The following FGD4 variants were observed in gnomAD, a reference collection of about 807,000 sequenced individuals.
The protein encoded by FGD4 is FYVE, RhoGEF and PH domain containing 4.
A neutral mutation model predicts 102.0 loss-of-function variants in FGD4; 42 were observed. The observed-to-expected ratio is 0.41, with a 90% CI of 0.32 to 0.53. The LOEUF (loss-of-function observed/expected upper bound fraction) is 0.53. Among genes scored for constraint, FGD4 ranks in the 20% least tolerant of loss-of-function variants. FGD4 has a pLI of 0.21. For synonymous variants in FGD4, 380 were observed against 375.7 expected, an observed-to-expected ratio of 1.01 and a Z score of -0.13; for missense variants, 902 against 1,078.2, an observed-to-expected ratio of 0.84 and a Z score of 2.29.
At chr12:32,547,746 GCC>G (rs1943339157) in intron 1 of FGD4, among the ~76,000 whole-genome samples, 1 of 152,182 alleles carries the variant, frequency 6.6e-6, no homozygotes, top group African/African-American at 2.4e-5. Flanking sequence ...TCACTTTGTT[GCC>G]CAGGCTGGAG....
intron 2 of FGD4, among the ~76,000 whole-genome samples, chr12:32,567,736 G>A (rs1945312145): frequency 1.4e-5 from 2 of 143,244 alleles, no homozygotes; most frequent in Non-Finnish European, 3.0e-5. Context: ...CACCCAGGCT[G>A]GAGTGCAGTG....
rs77676074 is a variant in FGD4 at position 32,523,108 on chromosome 12, G to A, written c.167-41029G>A. Reference sequence around the variant, plus strand: ...GTGGAGTAGCTGTAAACCCCCTCCCGGGTCTGTTCCCCAGAGCAGAGAGTG... The same window carrying A: ...GTGGAGTAGCTGTAAACCCCCTCCCAGGTCTGTTCCCCAGAGCAGAGAGTG... On this transcript the variant is annotated intron_variant, in intron 1 of 16. Coordinates refer to ENST00000534526, the MANE Select transcript of FGD4 (RefSeq NM_001370298.3). 6.2e-3 allele frequency among the ~76,000 whole-genome samples: 937 copies of A among 152,212 alleles called. 12 individuals are homozygous for A. The highest frequency in any genetic ancestry group is 0.021 in the African/African-American group (892 of 41,500).
chr12:32,600,580 C>CTTTTTT lies in FGD4; in HGVS notation c.1102-695_1102-694insTTTTTT, dbSNP rs753429889. The CTTTTTT allele has an allele frequency of 3.0e-5, 8 of 266,188 alleles. No homozygotes were observed. In the Admixed American group the frequency reaches 3.1e-4, roughly 10 times the overall value. 16.5% of individuals were successfully genotyped at this position (266,188 alleles called of 1,614,324 possible). On this transcript the variant is annotated intron_variant, in intron 5 of 16. Coordinates refer to ENST00000534526, the MANE Select transcript of FGD4 (RefSeq NM_001370298.3). The stretch of plus-strand genomic sequence containing the variant: ...TTTTGTTTTTTGTTTTTCTTTCTTT[C>CTTTTTT]TTTCTTTCTTTCTTTTTTTTTTTTT...
At chr12:32,534,765 T>C (rs1942098332) in intron 1 of FGD4, among the ~76,000 whole-genome samples, 1 of 152,194 alleles carries the variant, frequency 6.6e-6, no homozygotes, top group Non-Finnish European at 1.5e-5. Context: ...TAAGTAAAGT[T>C]TGGAAATTTG....
chr12:32,610,966 A>G, intron 9 of FGD4, 132 bp downstream of exon 9: 1 of 1,270,550 alleles, frequency 7.9e-7, no homozygotes, highest in African/African-American at 1.5e-5. Context: ...GAAATGTTTA[A>G]TGTTATCTGG....
chr12:32,516,234 G>A (rs1939864264), intron 1 of FGD4, among the ~76,000 whole-genome samples: 1 of 152,154 alleles, frequency 6.6e-6, no homozygotes, highest in East Asian at 1.9e-4. Context: ...GTTTACTGCA[G>A]CCTTCACCTG....
Position 32,582,334 on chromosome 12 carries a change from A to T in FGD4, c.878A>T (p.Tyr293Phe). 6.2e-7 allele frequency: 1 copy of T among 1,614,234 alleles called. No individual in the cohort carries two copies. Among genetic ancestry groups the T allele is most frequent in the Admixed American group, 1.7e-5 (1 of 60,028 alleles). The part of the protein sequence containing the change: ...SCDGNASDSS[Y>F]RTPGIGPVLP... ...GATGGAAATGCTTCTGACAGTAGCTACAGGACTCCAGGCATAGGCCCAGTG... is the reference window on the plus strand; with the variant it reads ...GATGGAAATGCTTCTGACAGTAGCTTCAGGACTCCAGGCATAGGCCCAGTG... The change falls in exon 4 of 17, where the codon TAC (tyrosine) becomes TTC (phenylalanine). Residue 293 changes from tyrosine to phenylalanine, a missense_variant. By Grantham distance (22) the Tyr-to-Phe change is conservative (BLOSUM62 3). Coordinates refer to ENST00000534526, the MANE Select transcript of FGD4 (RefSeq NM_001370298.3).
intron 1 of FGD4, among the ~76,000 whole-genome samples, chr12:32,436,915 C>T (rs1317867067): frequency 1.3e-5 from 2 of 151,972 alleles, no homozygotes; most frequent in East Asian, 1.9e-4. Flanking sequence ...ATCAGGAGTT[C>T]GAGACCAGCC....
chr12:32,561,075 G>GTTTTTTTTTTTTT (rs1218919677), intron 1 of FGD4, among the ~76,000 whole-genome samples: 2 of 85,176 alleles, frequency 2.3e-5, no homozygotes, highest in African/African-American at 4.6e-5. Flanking sequence ...GTTGGGTTTT[G>GTTTTTTTTTTTTT]TTTTTTTTTT....
intron 1 of FGD4, among the ~76,000 whole-genome samples, chr12:32,435,163 G>A (rs934832079): frequency 1.3e-5 from 2 of 152,040 alleles, no homozygotes; most frequent in South Asian, 2.1e-4. Flanking sequence ...GGCTGGTCTC[G>A]AACTCCCGAC....
At chr12:32,422,586 T>C (rs1410416414) in intron 1 of FGD4, among the ~76,000 whole-genome samples, 1 of 152,028 alleles carries the variant, frequency 6.6e-6, no homozygotes, top group African/African-American at 2.4e-5. Context: ...ATTGGCAGTA[T>C]TTTAAAAATT....
At chr12:32,507,145 G>A (rs1451958897) in intron 1 of FGD4, among the ~76,000 whole-genome samples, 1 of 135,606 alleles carries the variant, frequency 7.4e-6, no homozygotes, top group African/African-American at 2.8e-5. Flanking sequence ...TGTTCTCATT[G>A]TTCAATTCCC....
chr12:32,441,206 C>G (rs2136455481), intron 1 of FGD4, among the ~76,000 whole-genome samples: 1 of 152,290 alleles, frequency 6.6e-6, no homozygotes, highest in East Asian at 1.9e-4. Flanking sequence ...CTGCTTTTCT[C>G]AAGCAGCAGT....
chr12:32,498,208 G>C (rs1332044036), intron 1 of FGD4, among the ~76,000 whole-genome samples: 25 of 152,198 alleles, frequency 1.6e-4, no homozygotes, highest in Admixed American at 6.5e-5. Flanking sequence ...CAACTCACAG[G>C]GGTGCTGTCT....
intron 1 of FGD4, among the ~76,000 whole-genome samples, chr12:32,416,930 T>G: frequency 6.6e-6 from 1 of 151,564 alleles, no homozygotes; most frequent in Non-Finnish European, 1.5e-5. Context: ...GGAGTCTTGC[T>G]CTGTCACCCA....
At chr12:32,400,015 G>C in intron 1 of FGD4, 56 bp downstream of exon 1, 1 of 1,410,166 alleles carries the variant, frequency 7.1e-7, no homozygotes, top group South Asian at 1.5e-5. Context: ...TGCGGGTGAG[G>C]GGCGCTCCCA....
intron 2 of FGD4, among the ~76,000 whole-genome samples, chr12:32,574,515 A>G (rs1421325832): frequency 2.6e-5 from 4 of 152,148 alleles, no homozygotes; most frequent in Non-Finnish European, 4.4e-5. Context: ...TATAAGCCCC[A>G]TTGTTCCCAG....
intron 11 of FGD4, among the ~76,000 whole-genome samples, chr12:32,623,662 C>T (rs1419341380): frequency 6.6e-6 from 1 of 152,158 alleles, no homozygotes; most frequent in Non-Finnish European, 1.5e-5. Flanking sequence ...ATTTGGAGCT[C>T]TTACCCAGTT....
rs754580302 is a variant in FGD4 at position 32,633,635 on chromosome 12, A to C, written c.2259A>C (p.Gln753His). The change falls in exon 15 of 17, where the codon CAA becomes CAC. Residue 753 changes from glutamine (Q) to histidine (H), a missense_variant. This residue lies in a region of FGD4 where 459 missense variants were observed against 619.0 expected (regional missense o/e 0.74). Coordinates refer to ENST00000534526, the MANE Select transcript of FGD4 (RefSeq NM_001370298.3). ...GCAAAGTTTGTAAAGACTGTTATCA[A>C]ATCATAAGTGGATTCACAGACAGTG... Reference protein sequence around the residue: ...KLSKVCKDCYQIISGFTDSEE... With the variant: ...KLSKVCKDCYHIISGFTDSEE... The C allele has an allele frequency of 1.9e-6, 3 of 1,611,650 alleles. No homozygotes were observed. The highest frequency in any genetic ancestry group is 2.2e-5 in the South Asian group (2 of 91,022).
Sources: gnomAD v4.1 joint callset for allele counts (sites outside exome capture counted in the v4.1 genomes callset) on GRCh38, gnomAD v4.1.1 for gene constraint, gnomAD v4.1.1 regional missense constraint, MANE v1.5 for transcripts, NCBI Gene and HGNC (gene_info 2026-07-23, HGNC 2026-07-21) for gene names.